The following WASHC5 variants were observed in gnomAD, a reference collection of about 807,000 sequenced individuals.
WASHC5 encodes the protein WASH complex subunit 5.
WASHC5 carries 101 observed loss-of-function variants against 150.4 expected under a neutral mutation model. The observed-to-expected ratio is 0.67, with a 90% CI of 0.57 to 0.79. WASHC5 has a LOEUF of 0.79. Among genes scored for constraint, WASHC5 ranks in the 30% least tolerant of loss-of-function variants. WASHC5 has a pLI of 0.00. For synonymous variants in WASHC5, 467 were observed against 491.2 expected (o/e 0.95, Z 0.65); for missense variants, 1,195 against 1,396.3 (o/e 0.86, Z 2.30).
intron 5 of WASHC5, among the ~76,000 whole-genome samples, chr8:125,079,185 CTTTTTTTTTT>C (rs34211379): frequency 2.3e-4 from 13 of 57,580 alleles, no homozygotes; most frequent in South Asian, 9.1e-4. Context: ...TATATATAAC[CTTTTTTTTTT>C]TTTTTTTTTT....
At chr8:125,067,792 A>G (rs1816792066) in intron 9 of WASHC5, 73 bp from the exon 10 acceptor site, 1 of 1,505,964 alleles carries the variant, frequency 6.6e-7, no homozygotes, top group Non-Finnish European at 9.1e-7. Flanking sequence ...AAATTATTAA[A>G]TATTTTCCTT....
chr8:125,029,556 C>G (rs78524647), intron 27 of WASHC5, among the ~76,000 whole-genome samples: 2,988 of 152,316 alleles, frequency 0.02, 51 homozygotes, highest in Non-Finnish European at 0.029. Flanking sequence ...TGGAAATGTG[C>G]TTGGCATGTA....
In WASHC5 at chr8:125,067,729, G is replaced by A. The variant is rs773046558; in HGVS notation, c.1151-10C>T. On this transcript the variant is annotated splice_polypyrimidine_tract_variant and intron_variant, in intron 9 of 28. Coordinates refer to ENST00000318410, the MANE Select transcript of WASHC5 (RefSeq NM_014846.4). ...TTGTTTGGGTCACAGGCTAGAAACA[G>A]GAAAAGTGTTACCTGCTTACTAAAT... 3 of 1,613,006 alleles carry A rather than the reference G, an allele frequency of 1.9e-6. No homozygotes were observed. Among genetic ancestry groups the A allele is most frequent in the Non-Finnish European group, 2.5e-6 (3 of 1,179,372 alleles).
chr8:125,075,170 G>A, intron 7 of WASHC5, 59 bp from the exon 8 acceptor site: 2 of 1,041,668 alleles, frequency 1.9e-6, no homozygotes, highest in Non-Finnish European at 3.0e-6. Context: ...GCAAAGGGTT[G>A]AATACTAAAG....
intron 26 of WASHC5, among the ~76,000 whole-genome samples, chr8:125,033,316 T>C (rs1364404928): frequency 6.6e-6 from 1 of 152,184 alleles, no homozygotes; most frequent in Non-Finnish European, 1.5e-5. Context: ...CCCACCCTTC[T>C]ATGAGTAATT....
In WASHC5 at chr8:125,078,852, T is replaced by C. The variant is rs7812319; in HGVS notation, c.597A>G (p.Pro199=). The C allele has an allele frequency of 0.031, 50,366 of 1,613,884 alleles. 1,741 individuals carry two copies. Among genetic ancestry groups the C allele is most frequent in the South Asian group, 0.15 (13,880 of 91,066 alleles). The change falls in exon 6 of 29, where the codon CCA becomes CCG. Residue 199 remains proline, a synonymous_variant. Coordinates refer to ENST00000318410, the MANE Select transcript of WASHC5 (RefSeq NM_014846.4). ...LLRSTGYSSQ[P]GAKRPSNYPE... ...GATAGTTGGATGGTCTTTTGGCACC[T>C]GGTTGGCTAGAATAACCTGTACTTC...
At chr8:125,087,751 A>G (rs112924920) in intron 1 of WASHC5, among the ~76,000 whole-genome samples, 3,903 of 142,526 alleles carry the variant, frequency 0.027, 188 homozygotes, top group African/African-American at 0.1. Context: ...AAAAAAAAAA[A>G]TTTTCTCACA....
Position 125,024,558 on chromosome 8 carries a change from AT to A in WASHC5, c.*58del. 1 of 1,279,482 alleles carries A rather than the reference AT, an allele frequency of 7.8e-7. No individual in the cohort carries two copies. The highest frequency in any genetic ancestry group is 1.1e-6 in the Non-Finnish European group (1 of 875,022). 79.3% of individuals were successfully genotyped at this position (1,279,482 alleles called of 1,614,324 possible). ...TGAGTTTCTTTTCATCTTCAAATTCATTTGTGATGGTGGGAAGATCTAAGGA... is the reference window on the plus strand; with the variant it reads ...TGAGTTTCTTTTCATCTTCAAATTCATTGTGATGGTGGGAAGATCTAAGGA... On this transcript the variant is annotated 3_prime_UTR_variant, in exon 29 of 29. Transcript: ENST00000318410.
chr8:125,091,759 C>G lies in WASHC5; in HGVS notation c.-269G>C, dbSNP rs1817661376. 1 of 152,414 alleles carries G rather than the reference C, an allele frequency of 6.6e-6. No homozygotes were observed. 9.4% of individuals were successfully genotyped at this position (152,414 alleles called of 1,614,324 possible). The stretch of plus-strand genomic sequence containing the variant: ...GGAGCGGGTCAGACCCCGACTTCCG[C>G]CCCTGACTCCCCAGGCGGTCACATG... On this transcript the variant is annotated 5_prime_UTR_variant, in exon 1 of 29. Transcript: ENST00000318410.
intron 9 of WASHC5, among the ~76,000 whole-genome samples, chr8:125,069,454 T>C (rs898274300): frequency 1.3e-5 from 2 of 152,236 alleles, no homozygotes; most frequent in East Asian, 1.9e-4. Flanking sequence ...ATAAGGTATA[T>C]GGTAGTTACA....
chr8:125,038,975 C>A lies in WASHC5; in HGVS notation c.2955-16G>T, dbSNP rs750659998. 1 of 1,612,492 alleles carries A rather than the reference C, an allele frequency of 6.2e-7. No individual in the cohort carries two copies. The highest frequency in any genetic ancestry group is 8.5e-7 in the Non-Finnish European group (1 of 1,178,840). ...TAGGAGAGCCCTAAAGGAAGAAAAA[C>A]CCTGGAGATAAACATTAGTGAGTAA... is the stretch of plus-strand genomic sequence containing the variant. On this transcript the variant is annotated splice_polypyrimidine_tract_variant and intron_variant, in intron 24 of 28. Coordinates refer to ENST00000318410, the MANE Select transcript of WASHC5 (RefSeq NM_014846.4).
intron 1 of WASHC5, among the ~76,000 whole-genome samples, chr8:125,090,850 G>C (rs1279037585): frequency 6.6e-6 from 1 of 152,188 alleles, no homozygotes; most frequent in East Asian, 1.9e-4. Context: ...AACGGTTGCT[G>C]ATCAAGATAA....
At position 125,068,975 on chromosome 8, in the gene WASHC5, A is replaced by C. The variant is rs574858656; in HGVS notation, c.1151-1256T>G. Among the ~76,000 whole-genome samples, 6 of 152,392 alleles carry C rather than the reference A, an allele frequency of 3.9e-5. No individual in the cohort carries two copies. The South Asian group carries it at 1.2e-3, about 32-fold the overall frequency. ...CCAATTACTTATCTAAGAAAGAGTA[A>C]GTAGAATAAGGCAAAATACTTACAA... On this transcript the variant is annotated intron_variant, in intron 9 of 28. Coordinates refer to ENST00000318410, the MANE Select transcript of WASHC5 (RefSeq NM_014846.4).
At chr8:125,053,890 T>G (rs898703477) in intron 17 of WASHC5, among the ~76,000 whole-genome samples, 1 of 152,182 alleles carries the variant, frequency 6.6e-6, no homozygotes, top group Non-Finnish European at 1.5e-5. Context: ...GTGGATAATA[T>G]CAAGTATTGG....
In WASHC5 at chr8:125,033,210, T is replaced by C. The variant is rs183505119; in HGVS notation, c.3182-816A>G. On this transcript the variant is annotated intron_variant, in intron 26 of 28. Coordinates refer to ENST00000318410, the MANE Select transcript of WASHC5 (RefSeq NM_014846.4). ...CAGTGTTGGGAAGGTTTAGGTTGCC[T>C]GATTTCAAGCTCTCTATACAGTTTC... Among the ~76,000 whole-genome samples the C allele has an allele frequency of 2.0e-5, 3 of 152,316 alleles. No individual in the cohort carries two copies. In the East Asian group the frequency reaches 5.8e-4, roughly 29 times the overall value.
At chr8:125,082,744 T>C (rs1203720992) in intron 3 of WASHC5, 6 of 411,944 alleles carry the variant, frequency 1.5e-5, no homozygotes, top group Admixed American at 8.3e-5. Context: ...GAATATCTAG[T>C]CTAAAAGTTA....
chr8:125,059,016 A>G (rs532908611), intron 14 of WASHC5, among the ~76,000 whole-genome samples: 2 of 152,348 alleles, frequency 1.3e-5, no homozygotes, highest in African/African-American at 4.8e-5. Context: ...AAGACATTCC[A>G]ACTTACATTA....
At chr8:125,033,460 T>C (rs923334313) in intron 26 of WASHC5, among the ~76,000 whole-genome samples, 1 of 152,146 alleles carries the variant, frequency 6.6e-6, no homozygotes, top group South Asian at 2.1e-4. Context: ...CAATTAGAGA[T>C]GAACCACTGG....
At chr8:125,025,833 GACACACACACAC>G (rs34050035) in intron 28 of WASHC5, among the ~76,000 whole-genome samples, 4 of 148,134 alleles carry the variant, frequency 2.7e-5, no homozygotes, top group African/African-American at 7.5e-5. Context: ...TATGCAGACA[GACACACACACAC>G]ACACACACAC....
Sources: allele counts gnomAD v4.1 joint callset (sites outside exome capture counted in the v4.1 genomes callset), GRCh38; gene constraint gnomAD v4.1.1; transcripts MANE v1.5; gene names NCBI Gene and HGNC (gene_info 2026-07-23, HGNC 2026-07-21).